The following CRPPA variants were observed in gnomAD, a reference collection of about 807,000 sequenced individuals.
CRPPA encodes CDP-L-ribitol pyrophosphorylase A.
CRPPA carries 43 observed loss-of-function variants against 52.0 expected under a neutral mutation model. The ratio of observed to expected loss-of-function variants is 0.83; its 90% CI spans 0.65 to 1.07. CRPPA has a LOEUF of 1.07. Among genes scored for constraint, CRPPA ranks in the 50% least tolerant of loss-of-function variants. The probability of loss-of-function intolerance (pLI) is 0.00; values close to 1 mark genes in which losing one functional copy is unlikely to be tolerated. For synonymous variants in CRPPA, 250 were observed against 203.5 expected (o/e 1.23, Z -1.94); for missense variants, 629 against 551.7 (o/e 1.14, Z -1.40).
At chr7:16,146,935 A>C (rs1443391775) in intron 9 of CRPPA, among the ~76,000 whole-genome samples, 1 of 152,232 alleles carries the variant, frequency 6.6e-6, no homozygotes, top group Non-Finnish European at 1.5e-5. Context: ...TTAAGTGTAA[A>C]GAGATTAAAT....
At chr7:16,103,286 A>C (rs1782086030) in intron 9 of CRPPA, among the ~76,000 whole-genome samples, 1 of 152,144 alleles carries the variant, frequency 6.6e-6, no homozygotes, top group Non-Finnish European at 1.5e-5. Flanking sequence ...GGGGAACATC[A>C]CACATCAGGG....
chr7:16,367,793 G>A (rs1478230315), intron 3 of CRPPA, among the ~76,000 whole-genome samples: 1 of 152,138 alleles, frequency 6.6e-6, no homozygotes, highest in Non-Finnish European at 1.5e-5. Context: ...AAAATGCGGG[G>A]AGGGGTTGTT....
At chr7:16,388,600 C>T (rs973165975) in intron 2 of CRPPA, among the ~76,000 whole-genome samples, 4 of 152,106 alleles carry the variant, frequency 2.6e-5, no homozygotes, top group Non-Finnish European at 5.9e-5. Flanking sequence ...TGAGGCTGGG[C>T]GTGGTGGCTC....
intron 6 of CRPPA, among the ~76,000 whole-genome samples, chr7:16,268,578 G>A (rs1410408913): frequency 6.6e-6 from 1 of 151,968 alleles, no homozygotes; most frequent in African/African-American, 2.4e-5. Flanking sequence ...TAGCTTAGAG[G>A]TTCAAAATAT....
intron 5 of CRPPA, among the ~76,000 whole-genome samples, chr7:16,296,876 T>C (rs2128421827): frequency 6.6e-6 from 1 of 152,300 alleles, no homozygotes; most frequent in East Asian, 1.9e-4. Flanking sequence ...ACTATGTGCT[T>C]AGGAAAACAC....
chr7:16,101,280 T>C (rs1458600736), intron 9 of CRPPA, among the ~76,000 whole-genome samples: 1 of 152,186 alleles, frequency 6.6e-6, no homozygotes, highest in Admixed American at 6.5e-5. Context: ...ATCTGTCTGG[T>C]CCTGGGCTTT....
chr7:16,406,771 T>C (rs1342542602), intron 1 of CRPPA, among the ~76,000 whole-genome samples: 2 of 152,216 alleles, frequency 1.3e-5, no homozygotes, highest in African/African-American at 4.8e-5. Context: ...CTTTCAAGAA[T>C]TCCACCAAGT....
chr7:16,176,936 TA>T (rs1313725260), intron 9 of CRPPA, among the ~76,000 whole-genome samples: 5 of 152,178 alleles, frequency 3.3e-5, no homozygotes, highest in African/African-American at 1.2e-4. Context: ...AGTAAATCAT[TA>T]TATGGTATAT....
chr7:16,139,396 T>C (rs1159034638), intron 9 of CRPPA, among the ~76,000 whole-genome samples: 1 of 152,194 alleles, frequency 6.6e-6, no homozygotes, highest in African/African-American at 2.4e-5. Flanking sequence ...CCTCATCAAA[T>C]ATAACATTTT....
chr7:16,281,901 A>G (rs1269728473), intron 5 of CRPPA, among the ~76,000 whole-genome samples: 2 of 152,132 alleles, frequency 1.3e-5, no homozygotes, highest in Admixed American at 1.3e-4. Flanking sequence ...TATCTGTACA[A>G]TTGTATTGAT....
intron 1 of CRPPA, among the ~76,000 whole-genome samples, 193 bp downstream of exon 1, chr7:16,420,873 G>A (rs1788315037): frequency 6.6e-6 from 1 of 152,126 alleles, no homozygotes; most frequent in Non-Finnish European, 1.5e-5. Context: ...GGGAGCTGCA[G>A]CTTTCGTGCC....
intron 2 of CRPPA, among the ~76,000 whole-genome samples, chr7:16,388,850 T>C (rs1787364567): frequency 6.6e-6 from 1 of 152,028 alleles, no homozygotes; most frequent in Non-Finnish European, 1.5e-5. Flanking sequence ...CACTCCAGCC[T>C]GGGCGACAGA....
chr7:16,414,350 A>AAC (rs3085030), intron 1 of CRPPA, among the ~76,000 whole-genome samples: 16,500 of 137,566 alleles, frequency 0.12, 1,108 homozygotes, highest in Middle Eastern at 0.17. Flanking sequence ...CCCCTACCCC[A>AAC]ACACACACAC....
At chr7:16,399,203 C>G (rs527804793) in intron 2 of CRPPA, among the ~76,000 whole-genome samples, 9 of 152,290 alleles carry the variant, frequency 5.9e-5, no homozygotes, top group Non-Finnish European at 1.0e-4. Flanking sequence ...CTGACATGAC[C>G]AACACATTTG....
intron 1 of CRPPA, among the ~76,000 whole-genome samples, chr7:16,409,200 C>T (rs945530497): frequency 4.6e-5 from 7 of 152,178 alleles, no homozygotes; most frequent in African/African-American, 1.7e-4. Context: ...CATGCATGGC[C>T]AGCCTCTAGA....
At chr7:16,124,933 A>G (rs1782547248) in intron 9 of CRPPA, among the ~76,000 whole-genome samples, 1 of 152,114 alleles carries the variant, frequency 6.6e-6, no homozygotes, top group South Asian at 2.1e-4. Context: ...AAAAGAAAGA[A>G]TAGCTTTTTT....
chr7:16,272,133 T>G (rs1784103009), intron 6 of CRPPA, among the ~76,000 whole-genome samples: 1 of 152,174 alleles, frequency 6.6e-6, no homozygotes, highest in Non-Finnish European at 1.5e-5. Flanking sequence ...TGTGAAATAC[T>G]TCAAATTGCT....
intron 9 of CRPPA, among the ~76,000 whole-genome samples, chr7:16,108,932 G>A (rs780030703): frequency 1.3e-5 from 2 of 151,646 alleles, no homozygotes; most frequent in South Asian, 2.1e-4. Context: ...CACAACAGCA[G>A]GCCTTAGGAG....
Position 16,182,830 on chromosome 7 carries a change from G to C in CRPPA, c.1251+33236C>G, listed in dbSNP as rs185246953. 1.0e-3 allele frequency among the ~76,000 whole-genome samples: 152 copies of C among 152,164 alleles called. 1 individual carries two copies. Among genetic ancestry groups the C allele is most frequent in the African/African-American group, 3.5e-3 (144 of 41,512 alleles). ...TTTGGATTTCTTTTACCTAACCTGT[G>C]CCCCTCCACTTTGAGTGTACCCTCA... is the stretch of plus-strand genomic sequence containing the variant. On this transcript the variant is annotated intron_variant, in intron 9 of 9. Transcript: ENST00000407010.
Sources: gnomAD v4.1 joint callset for allele counts (sites outside exome capture counted in the v4.1 genomes callset) on GRCh38, gnomAD v4.1.1 for gene constraint, MANE v1.5 for transcripts, NCBI Gene and HGNC (gene_info 2026-07-23, HGNC 2026-07-21) for gene names.